The following ANO10 variants were observed in gnomAD, a reference collection of about 807,000 sequenced individuals.
ANO10 encodes the protein anoctamin-10.
ANO10 carries 77 observed loss-of-function variants against 74.7 expected under a neutral mutation model. The observed-to-expected ratio is 1.03, with a 90% CI of 0.86 to 1.25. The LOEUF is 1.25. ANO10 is among the 50% of genes most tolerant of loss of function. ANO10 has a pLI of 0.00. For synonymous variants in ANO10, 279 were observed against 284.9 expected (o/e 0.98, Z 0.21); for missense variants, 721 against 778.1 (o/e 0.93, Z 0.87).
At chr3:43,553,454 T>C (rs1003833454) in intron 10 of ANO10, among the ~76,000 whole-genome samples, 1 of 152,108 alleles carries the variant, frequency 6.6e-6, no homozygotes, top group African/African-American at 2.4e-5. Flanking sequence ...ATGTTAGCTC[T>C]TTTTTATACC....
rs1275525977 is a variant in ANO10, at chr3:43,561,253, T to C, written c.1443A>G (p.Gln481=). 6.2e-7 allele frequency: 1 copy of C among 1,614,212 alleles called. No homozygotes were observed. The highest frequency in any genetic ancestry group is 1.7e-5 in the Admixed American group (1 of 60,028). Residue 481 remains glutamine, a synonymous_variant, in exon 9 of 13, where the codon CAA becomes CAG. Transcript: ENST00000292246. ...KADIDATLYE[Q]VILEKEMGTY... ...TTCCCATTTCTTTTTCCAGGATGAC[T>C]TGTTCATATAATGTAGCATCAATGT...
intron 11 of ANO10, among the ~76,000 whole-genome samples, chr3:43,452,430 A>AT (rs1387035941): frequency 6.6e-6 from 1 of 152,234 alleles, no homozygotes; most frequent in Admixed American, 6.5e-5. Flanking sequence ...ATCATACAGT[A>AT]TGTGGTCCTT....
chr3:43,466,675 A>C (rs1228183678), intron 11 of ANO10, among the ~76,000 whole-genome samples: 1 of 152,210 alleles, frequency 6.6e-6, no homozygotes, highest in Non-Finnish European at 1.5e-5. Flanking sequence ...CATTGAAGAA[A>C]ATCTTCAGGA....
chr3:43,574,118 T>G (rs1337331587), intron 7 of ANO10, among the ~76,000 whole-genome samples: 3 of 149,462 alleles, frequency 2.0e-5, no homozygotes, highest in African/African-American at 7.4e-5. Flanking sequence ...ACCCGGTGAA[T>G]TTTTTTTGTA....
intron 4 of ANO10, among the ~76,000 whole-genome samples, chr3:43,585,095 T>C (rs1280285623): frequency 6.6e-6 from 1 of 152,362 alleles, no homozygotes; most frequent in East Asian, 1.9e-4. Flanking sequence ...AAATAGGTCA[T>C]AGTTTTAATT....
chr3:43,523,311 T>C (rs2078040952), intron 11 of ANO10, among the ~76,000 whole-genome samples: 1 of 152,100 alleles, frequency 6.6e-6, no homozygotes, highest in Admixed American at 6.6e-5. Flanking sequence ...GCTGCATGAT[T>C]TCATGAAGGG....
chr3:43,546,768 C>A (rs1205035856), intron 11 of ANO10, among the ~76,000 whole-genome samples: 1 of 151,976 alleles, frequency 6.6e-6, no homozygotes, highest in Non-Finnish European at 1.5e-5. Context: ...AGAAAACAGG[C>A]TGACAAAAAT....
chr3:43,677,081 T>C (rs1259326174), intron 1 of ANO10, among the ~76,000 whole-genome samples: 1 of 152,194 alleles, frequency 6.6e-6, no homozygotes, highest in Admixed American at 6.5e-5. Flanking sequence ...AGACACGGAA[T>C]GAACCCAGCT....
chr3:43,442,832 G>A (rs1398354217), intron 11 of ANO10, among the ~76,000 whole-genome samples: 2 of 152,158 alleles, frequency 1.3e-5, no homozygotes, highest in African/African-American at 2.4e-5. Context: ...AATAATAGGC[G>A]GCAGGAGGAT....
At chr3:43,466,293 C>T (rs1005028313) in intron 11 of ANO10, among the ~76,000 whole-genome samples, 2 of 150,198 alleles carry the variant, frequency 1.3e-5, no homozygotes, top group Admixed American at 6.7e-5. Flanking sequence ...ATCGCTTGAA[C>T]CCGGGAGGCA....
At chr3:43,489,477 C>T (rs1168400217) in intron 11 of ANO10, among the ~76,000 whole-genome samples, 2 of 151,990 alleles carry the variant, frequency 1.3e-5, no homozygotes, top group African/African-American at 4.8e-5. Flanking sequence ...TTAAATAAAT[C>T]CGCCTTTTCT....
At chr3:43,374,547 A>T (rs371095931) in intron 12 of ANO10, among the ~76,000 whole-genome samples, 5 of 152,154 alleles carry the variant, frequency 3.3e-5, no homozygotes, top group African/African-American at 1.2e-4. Flanking sequence ...TTGGATCTAG[A>T]CGTTTCATTT....
intron 1 of ANO10, among the ~76,000 whole-genome samples, chr3:43,628,604 A>G (rs1201168314): frequency 2.0e-5 from 3 of 152,178 alleles, no homozygotes; most frequent in Non-Finnish European, 4.4e-5. Context: ...ACAGAGACAT[A>G]TTTCTCTTCT....
At chr3:43,530,239 T>C (rs1185207482) in intron 11 of ANO10, among the ~76,000 whole-genome samples, 1 of 152,014 alleles carries the variant, frequency 6.6e-6, no homozygotes, top group Non-Finnish European at 1.5e-5. Flanking sequence ...ACACAGTAAC[T>C]ACATTTATAA....
chr3:43,585,019 TAACTTAATGA>T (rs1458797662), intron 4 of ANO10, among the ~76,000 whole-genome samples: 1 of 152,194 alleles, frequency 6.6e-6, no homozygotes, highest in Non-Finnish European at 1.5e-5. Context: ...TTCTATGGTT[TAACTTAATGA>T]AAATCTAGTA....
At chr3:43,415,623 C>T (rs1274871554) in intron 12 of ANO10, among the ~76,000 whole-genome samples, 1 of 151,882 alleles carries the variant, frequency 6.6e-6, no homozygotes, top group Admixed American at 6.6e-5. Context: ...CTCACTGCAA[C>T]CTCCACCTCC....
chr3:43,589,009 T>C (rs148858062), intron 4 of ANO10, among the ~76,000 whole-genome samples: 3 of 152,250 alleles, frequency 2.0e-5, no homozygotes, highest in African/African-American at 7.2e-5. Context: ...GTATACGTAA[T>C]ATAAATTAAC....
At chr3:43,668,668 G>A (rs747002368) in intron 1 of ANO10, among the ~76,000 whole-genome samples, 9 of 151,862 alleles carry the variant, frequency 5.9e-5, no homozygotes, top group Non-Finnish European at 1.3e-4. Flanking sequence ...TCTCAGTACC[G>A]TTTATTGAAC....
intron 4 of ANO10, among the ~76,000 whole-genome samples, chr3:43,582,345 G>A (rs1220711323): frequency 3.3e-5 from 5 of 152,038 alleles, no homozygotes; most frequent in African/African-American, 4.8e-5. Context: ...CCAGCTACTC[G>A]GGAAGCTGAG....
Sources: gnomAD v4.1 joint callset for allele counts (sites outside exome capture counted in the v4.1 genomes callset) on GRCh38, gnomAD v4.1.1 for gene constraint, MANE v1.5 for transcripts, NCBI Gene and HGNC (gene_info 2026-07-23, HGNC 2026-07-21) for gene names.